MTREX: variants seen among roughly 807,000 people sequenced by gnomAD.
MTREX encodes the protein Mtr4 exosome RNA helicase, also known as exosome RNA helicase MTR4.
A neutral mutation model predicts 135.4 loss-of-function variants in MTREX; 76 were observed. That is an observed-to-expected ratio of 0.56 (90% CI 0.47 to 0.68). The LOEUF (loss-of-function observed/expected upper bound fraction) is 0.68, where lower values mean the gene tolerates loss of function less well. Among genes scored for constraint, MTREX ranks in the 30% least tolerant of loss-of-function variants. MTREX has a pLI of 0.00. For synonymous variants in MTREX, 404 were observed against 401.6 expected (o/e 1.01, Z -0.07); for missense variants, 920 against 1,262.1 (o/e 0.73, Z 4.11).
chr5:55,354,413 T>G (rs1436313144), intron 14 of MTREX, among the ~76,000 whole-genome samples: 1 of 152,226 alleles, frequency 6.6e-6, no homozygotes, highest in Non-Finnish European at 1.5e-5. Flanking sequence ...TCACATAGCC[T>G]GGCTTTGGGG....
intron 25 of MTREX, among the ~76,000 whole-genome samples, chr5:55,419,099 C>T (rs1457739974): frequency 6.6e-6 from 1 of 152,186 alleles, no homozygotes; most frequent in East Asian, 1.9e-4. Context: ...CCTGCTTCAG[C>T]CTCCCAAGGT....
At chr5:55,373,735 T>C (rs1044466798) in intron 16 of MTREX, among the ~76,000 whole-genome samples, 1 of 151,812 alleles carries the variant, frequency 6.6e-6, no homozygotes, top group Non-Finnish European at 1.5e-5. Context: ...TTGTGACTAG[T>C]GTCTAAAATT....
intron 3 of MTREX, chr5:55,324,424 CTTTTTTTTTTTTTTTTTTTTTTTTTTT>C (rs10592726): frequency 1.8e-4 from 3 of 17,000 alleles, no homozygotes; most frequent in Non-Finnish European, 2.2e-4. Context: ...CTTATTTTAA[CTTTTTTTTTTTTTTTTTTTTTTTTTTT>C]TTTTTTTTTT....
Position 55,308,087 on chromosome 5 carries a change from A to G in MTREX, c.74A>G (p.Lys25Arg). The G allele has an allele frequency of 6.2e-7, 1 of 1,614,020 alleles. No individual in the cohort carries two copies. Among genetic ancestry groups the G allele is most frequent in the Non-Finnish European group, 8.5e-7 (1 of 1,179,974 alleles). The stretch of plus-strand genomic sequence containing the variant: ...TCGACCACTGCGGCGGGAACCAAAA[A>G]AGACAAGGAAAAGGACAAGGGGAAA... ...GDSTTAAGTK[K>R]DKEKDKGKWK... is the part of the protein sequence containing the mutation. Residue 25 changes from lysine (K) to arginine (R), a missense_variant, in exon 1 of 27, where the codon AAA (lysine) becomes AGA (arginine). Coordinates refer to ENST00000230640, the MANE Select transcript of MTREX (RefSeq NM_015360.5).
chr5:55,362,876 A>G (rs1750040259), intron 15 of MTREX, among the ~76,000 whole-genome samples: 2 of 152,222 alleles, frequency 1.3e-5, no homozygotes, highest in Non-Finnish European at 2.9e-5. Context: ...ATGCTCCAAT[A>G]TAGTGCCCAT....
chr5:55,354,165 A>G (rs1388220509), intron 14 of MTREX, among the ~76,000 whole-genome samples: 1 of 152,186 alleles, frequency 6.6e-6, no homozygotes, highest in African/African-American at 2.4e-5. Flanking sequence ...CAGAGCAAAA[A>G]GACAATCCAG....
At chr5:55,424,612 C>T (rs572641298) in intron 26 of MTREX, 108 bp from the exon 27 acceptor site, 27 of 718,124 alleles carry the variant, frequency 3.8e-5, no homozygotes, top group Admixed American at 2.4e-4. Context: ...CTAGGCTGCT[C>T]GCTTACCAGT....
At position 55,350,906 on chromosome 5, in the gene MTREX, T is replaced by G. The variant is rs1453834457; in HGVS notation, c.1321-13T>G. On this transcript the variant is annotated splice_polypyrimidine_tract_variant and intron_variant, in intron 12 of 26. Transcript: ENST00000230640. ...CACATCATTATAAAATCAGTGTTAT[T>G]CCAAAATCACAGGTAGAACATGTAC... is the stretch of plus-strand genomic sequence containing the variant. The G allele has an allele frequency of 1.9e-6, 3 of 1,573,308 alleles. No homozygotes were observed. Among genetic ancestry groups the G allele is most frequent in the Non-Finnish European group, 2.6e-6 (3 of 1,159,750 alleles).
At chr5:55,381,993 A>G (rs1050947289) in intron 18 of MTREX, among the ~76,000 whole-genome samples, 1 of 152,048 alleles carries the variant, frequency 6.6e-6, no homozygotes, top group African/African-American at 2.4e-5. Flanking sequence ...TATTCTTTGC[A>G]TAATATTTTT....
chr5:55,404,797 C>CTT (rs10714588), intron 21 of MTREX, among the ~76,000 whole-genome samples: 1 of 131,964 alleles, frequency 7.6e-6, no homozygotes, highest in African/African-American at 2.8e-5. Flanking sequence ...GCTCTGTTCT[C>CTT]TTTTTTTTTT....
intron 26 of MTREX, chr5:55,424,454 T>G (rs2111640744): frequency 7.2e-6 from 2 of 275,950 alleles, no homozygotes; most frequent in South Asian, 2.1e-4. Flanking sequence ...CTAGCATTTA[T>G]CTTTTTAAAC....
chr5:55,403,258 T>C (rs563590305), intron 21 of MTREX, among the ~76,000 whole-genome samples: 4 of 152,192 alleles, frequency 2.6e-5, no homozygotes, highest in African/African-American at 4.8e-5. Context: ...ACATTTTTTT[T>C]CCCAATATTT....
chr5:55,386,071 A>G (rs1750473973), intron 18 of MTREX, among the ~76,000 whole-genome samples: 1 of 152,196 alleles, frequency 6.6e-6, no homozygotes, highest in Admixed American at 6.5e-5. Flanking sequence ...TACAAATCCA[A>G]AGATTTTTGT....
At chr5:55,344,726 C>T (rs752323590) in intron 9 of MTREX, 106 bp downstream of exon 9, 2 of 650,324 alleles carry the variant, frequency 3.1e-6, no homozygotes, top group African/African-American at 3.8e-5. Context: ...GGAAAAGATA[C>T]ATTTGTTTGT....
chr5:55,388,259 G>GT (rs1750511040), intron 19 of MTREX, among the ~76,000 whole-genome samples, 157 bp downstream of exon 19: 1 of 152,150 alleles, frequency 6.6e-6, no homozygotes, highest in African/African-American at 2.4e-5. Context: ...GCTATCTAAC[G>GT]TATCAGTAGG....
chr5:55,408,079 A>G (rs746512852), intron 22 of MTREX, among the ~76,000 whole-genome samples: 23 of 151,988 alleles, frequency 1.5e-4, no homozygotes, highest in Non-Finnish European at 3.2e-4. Flanking sequence ...GTGCCATTCT[A>G]TTTGGTAAAA....
chr5:55,320,885 A>C (rs755577351), intron 1 of MTREX, among the ~76,000 whole-genome samples: 1 of 152,184 alleles, frequency 6.6e-6, no homozygotes, highest in Non-Finnish European at 1.5e-5. Context: ...TTTTAGTTAC[A>C]TATCTGTGTA....
At chr5:55,351,094 G>T in intron 13 of MTREX, 65 bp downstream of exon 13, 1 of 1,468,926 alleles carries the variant, frequency 6.8e-7, no homozygotes, top group Non-Finnish European at 9.0e-7. Context: ...GAAAATGAGA[G>T]AACATTGTTT....
chr5:55,356,034 T>C (rs1417123211), intron 14 of MTREX, among the ~76,000 whole-genome samples: 2 of 152,162 alleles, frequency 1.3e-5, no homozygotes, highest in Admixed American at 1.3e-4. Context: ...CAGAGCAGTT[T>C]CCCACCAAAA....
Sources: gnomAD v4.1 joint callset for allele counts (sites outside exome capture counted in the v4.1 genomes callset) on GRCh38, gnomAD v4.1.1 for gene constraint, MANE v1.5 for transcripts, NCBI Gene and HGNC (gene_info 2026-07-23, HGNC 2026-07-21) for gene names.